TBX5: variants seen among roughly 807,000 people sequenced by gnomAD.
The protein encoded by TBX5 is T-box transcription factor 5, also known as T-box transcription factor TBX5.
Under a neutral mutation model 51.1 loss-of-function variants are expected in TBX5, and 8 were observed. The observed-to-expected ratio is 0.16, with a 90% CI of 0.09 to 0.28. The LOEUF (loss-of-function observed/expected upper bound fraction) is 0.28, where lower values mean the gene tolerates loss of function less well. Ranked by LOEUF, TBX5 falls within the 10% of genes least tolerant of loss-of-function variation. The probability of loss-of-function intolerance (pLI) is 1.00; values close to 1 mark genes in which losing one functional copy is unlikely to be tolerated. For synonymous variants in TBX5, 302 were observed against 266.4 expected (o/e 1.13, Z -1.30); for missense variants, 589 against 671.7 (o/e 0.88, Z 1.36).
chr12:114,388,882 C>T (rs1281547862), intron 6 of TBX5, among the ~76,000 whole-genome samples: 1 of 151,544 alleles, frequency 6.6e-6, no homozygotes, highest in Non-Finnish European at 1.5e-5. Context: ...CCACACCCAG[C>T]CCATTTTTGT....
intron 7 of TBX5, among the ~76,000 whole-genome samples, chr12:114,376,263 G>A (rs1870181509): frequency 7.3e-6 from 1 of 137,334 alleles, no homozygotes; most frequent in Non-Finnish European, 1.6e-5. Context: ...AAAATGTGGT[G>A]TGTATATATA....
At chr12:114,365,133 T>G (rs914310626) in intron 8 of TBX5, among the ~76,000 whole-genome samples, 3 of 151,578 alleles carry the variant, frequency 2.0e-5, no homozygotes, top group African/African-American at 7.3e-5. Flanking sequence ...CTTAGTAGAT[T>G]TAAATGGGGG....
chr12:114,391,999 A>C (rs1436526041), intron 6 of TBX5, among the ~76,000 whole-genome samples: 1 of 152,160 alleles, frequency 6.6e-6, no homozygotes, highest in Non-Finnish European at 1.5e-5. Flanking sequence ...AGGCTGGCTA[A>C]ACAGAACATT....
At chr12:114,359,167 C>A (rs1172672638) in intron 8 of TBX5, among the ~76,000 whole-genome samples, 2 of 152,116 alleles carry the variant, frequency 1.3e-5, no homozygotes, top group South Asian at 2.1e-4. Context: ...CTTTAATACC[C>A]CAAAGATCTA....
At chr12:114,357,412 C>A (rs1479372041) in intron 8 of TBX5, among the ~76,000 whole-genome samples, 2 of 152,114 alleles carry the variant, frequency 1.3e-5, no homozygotes, top group Non-Finnish European at 2.9e-5. Context: ...AAACCCAGAC[C>A]CCAGGTTAAG....
chr12:114,358,785 G>T (rs1022839522), intron 8 of TBX5, among the ~76,000 whole-genome samples: 84 of 78,356 alleles, frequency 1.1e-3, no homozygotes, highest in Non-Finnish European at 2.3e-3. Flanking sequence ...TTTTTTGTTT[G>T]TTTGTTTGTT....
rs966760201 is a variant in TBX5 at position 114,368,613 on chromosome 12, C to T, written c.756-2222G>A. 6.6e-5 allele frequency among the ~76,000 whole-genome samples: 10 copies of T among 152,320 alleles called. No homozygotes were observed. The South Asian group carries it at 1.7e-3, about 25-fold the overall frequency. On this transcript the variant is annotated intron_variant, in intron 7 of 8. Transcript: ENST00000405440. The stretch of plus-strand genomic sequence containing the variant: ...TTCTAATCCAATCATTTCCTCATAA[C>T]TTTTGCATTGTATCCTAATGATGTC...
chr12:114,388,184 G>C (rs1488950168), intron 6 of TBX5, among the ~76,000 whole-genome samples: 1 of 152,030 alleles, frequency 6.6e-6, no homozygotes, highest in Non-Finnish European at 1.5e-5. Context: ...TTGAGACGGA[G>C]TCTCACTCTG....
Position 114,405,919 on chromosome 12 carries a change from A to G in TBX5, c.-330T>C. 1 of 985,508 alleles carries G rather than the reference A, an allele frequency of 1.0e-6. No individual in the cohort carries two copies. Among genetic ancestry groups the G allele is most frequent in the Non-Finnish European group, 1.2e-6 (1 of 830,026 alleles). The allele number at this position is 985,508 out of a possible 1,614,324, so 61.0% of individuals were successfully genotyped here. A position where few individuals can be genotyped will look rare whatever the true frequency, so the allele number is the denominator to read the frequency against. On this transcript the variant is annotated 5_prime_UTR_variant, in exon 1 of 9. Coordinates refer to ENST00000405440, the MANE Select transcript of TBX5 (RefSeq NM_181486.4). ...AGCCTCCAAGAGCACCGGCAACCATATAATCTCAGTGCCCCGCTCCTCCTT... is the reference window on the plus strand; with the variant it reads ...AGCCTCCAAGAGCACCGGCAACCATGTAATCTCAGTGCCCCGCTCCTCCTT...
intron 2 of TBX5, 133 bp downstream of exon 2, chr12:114,403,619 A>G: frequency 7.4e-7 from 1 of 1,349,826 alleles, no homozygotes; most frequent in African/African-American, 1.5e-5. Flanking sequence ...AAAAGGGATG[A>G]TTATAGTCGT....
chr12:114,404,030 C>A lies in TBX5; in HGVS notation c.-38-94G>T, dbSNP rs1052496074. 37 of 1,384,624 alleles carry A rather than the reference C, an allele frequency of 2.7e-5. No homozygotes were observed. In the African/African-American group the frequency reaches 3.9e-4, roughly 14 times the overall value. The allele number at this position is 1,384,624 out of a possible 1,614,324, so 85.8% of individuals were successfully genotyped here. On this transcript the variant is annotated intron_variant, in intron 1 of 8. Transcript: ENST00000405440. ...GCACAATTCTAGTGACAGGAGGGAG[C>A]AGTTTGGCCCCCAGTTTCCAGCTAC... is the stretch of plus-strand genomic sequence containing the variant.
Position 114,399,599 on chromosome 12 carries a change from C to G in TBX5, c.276G>C (p.Thr92=), listed in dbSNP as rs773971213. 21 of 1,614,082 alleles carry G rather than the reference C, an allele frequency of 1.3e-5. No homozygotes were observed. The highest frequency in any genetic ancestry group is 1.6e-4 in the Middle Eastern group (1 of 6,062). The change falls in exon 4 of 9, where the codon ACG becomes ACC. Residue 92 remains threonine, a synonymous_variant. Transcript: ENST00000405440. ...TGTACTTCGTTTTGGGATTAAGGCC[C>G]GTCACCTTCACTTTGTAACTGGGAA... The part of the protein sequence containing the change: ...RMFPSYKVKV[T]GLNPKTKYIL...
chr12:114,353,943 A>G lies in TBX5; in HGVS notation c.*1589T>C, dbSNP rs1868721295. 1 of 152,606 alleles carries G rather than the reference A, an allele frequency of 6.6e-6. No individual in the cohort carries two copies. The highest frequency in any genetic ancestry group is 1.5e-5 in the Non-Finnish European group (1 of 68,030). The allele number at this position is 152,606 out of a possible 1,614,324, so 9.5% of individuals were successfully genotyped here. A position where few individuals can be genotyped will look rare whatever the true frequency, so the allele number is the denominator to read the frequency against. ...TCAACTTCCTTGTACTTGTTTAAGCACATGGTATTTATTAGGCATTAATTG... is the reference window on the plus strand; with the variant it reads ...TCAACTTCCTTGTACTTGTTTAAGCGCATGGTATTTATTAGGCATTAATTG... On this transcript the variant is annotated 3_prime_UTR_variant, in exon 9 of 9. Coordinates refer to ENST00000405440, the MANE Select transcript of TBX5 (RefSeq NM_181486.4).
At chr12:114,399,269 AAT>A (rs1871639421) in intron 4 of TBX5, among the ~76,000 whole-genome samples, 1 of 152,248 alleles carries the variant, frequency 6.6e-6, no homozygotes, top group African/African-American at 2.4e-5. Context: ...TGGGTGCAGC[AAT>A]AGACACAGGC....
At chr12:114,363,616 T>C (rs1869358935) in intron 8 of TBX5, among the ~76,000 whole-genome samples, 1 of 152,190 alleles carries the variant, frequency 6.6e-6, no homozygotes, top group African/African-American at 2.4e-5. Flanking sequence ...TTTGAGATTG[T>C]AGCAGATGAG....
chr12:114,365,856 A>AT (rs374466708), intron 8 of TBX5, among the ~76,000 whole-genome samples: 6 of 151,866 alleles, frequency 4.0e-5, no homozygotes, highest in African/African-American at 1.2e-4. Context: ...GAAAAAAAAA[A>AT]GTAAAAATAA....
At chr12:114,382,449 A>G (rs1456489706) in intron 7 of TBX5, among the ~76,000 whole-genome samples, 2 of 152,224 alleles carry the variant, frequency 1.3e-5, no homozygotes, top group Non-Finnish European at 2.9e-5. Flanking sequence ...AGATCACTTG[A>G]GTCCAGGGGT....
At chr12:114,403,987 C>G in intron 1 of TBX5, 51 bp from the exon 2 acceptor site, 3 of 1,550,718 alleles carry the variant, frequency 1.9e-6, no homozygotes, top group Non-Finnish European at 2.6e-6. Context: ...AGAGAGAGAA[C>G]GAGAGAAAGG....
At chr12:114,402,447 ATACT>A (rs1871891345) in intron 2 of TBX5, among the ~76,000 whole-genome samples, 1 of 152,228 alleles carries the variant, frequency 6.6e-6, no homozygotes, top group African/African-American at 2.4e-5. Context: ...AGATGTGCAA[ATACT>A]TGCTTATTCT....
Sources: gnomAD v4.1 joint callset for allele counts (sites outside exome capture counted in the v4.1 genomes callset) on GRCh38, gnomAD v4.1.1 for gene constraint, MANE v1.5 for transcripts, NCBI Gene and HGNC (gene_info 2026-07-23, HGNC 2026-07-21) for gene names.